Variants in DMD observed in about 807,000 individuals in gnomAD.
DMD encodes dystrophin, also known as mutant dystrophin.
DMD carries 63 observed loss-of-function variants against 330.1 expected under a neutral mutation model. The ratio of observed to expected loss-of-function variants is 0.19; its 90% confidence interval spans 0.16 to 0.24. DMD has a LOEUF of 0.24. Among genes scored for constraint, DMD ranks in the 10% least tolerant of loss-of-function variants. The pLI is 1.00. For missense variants in DMD, 3,344 were observed against 2,684.1 expected, an observed-to-expected ratio of 1.25 and a Z score of -5.43; for synonymous variants, 1,223 against 959.8, an observed-to-expected ratio of 1.27 and a Z score of -5.07.
rs1556678891 is a variant in DMD, at chrX:31,522,363, C to CTATATATATATA, written c.8218-14922_8218-14911dup. Among the ~76,000 whole-genome samples, 57 of 35,950 alleles carry CTATATATATATA rather than the reference C, an allele frequency of 1.6e-3. 1 individual carries two copies. Among genetic ancestry groups the CTATATATATATA allele is most frequent in the African/African-American group, 4.0e-3 (21 of 5,282 alleles). The allele number at this position is 35,950 out of a possible 115,157, so 31.2% of individuals were successfully genotyped here. On this transcript the variant is annotated intron_variant, in intron 55 of 78. Transcript: ENST00000357033. ...TCTCTCTCTCTCTCTCTCTCTCTCT[C>CTATATATATATA]TATATATATATATATATATATATAG...
chrX:31,503,162 C>T (rs1301974151), intron 56 of DMD, among the ~76,000 whole-genome samples: 1 of 112,193 alleles, frequency 8.9e-6, no homozygotes, highest in Non-Finnish European at 1.9e-5. Context: ...CTCTCAAAGA[C>T]ATCTTAATTA....
chrX:31,343,616 T>A (rs961005459), intron 61 of DMD, among the ~76,000 whole-genome samples: 12 of 92,104 alleles, frequency 1.3e-4, no homozygotes, highest in African/African-American at 4.4e-4. Context: ...TGTGTGTGTG[T>A]GTGAGAGAGA....
At chrX:31,346,383 A>C (rs144622934) in intron 61 of DMD, among the ~76,000 whole-genome samples, 368 of 111,630 alleles carry the variant, frequency 3.3e-3, no homozygotes, top group African/African-American at 0.011. Flanking sequence ...CGTTAAAATG[A>C]TGGATAAACC....
In DMD at chrX:32,949,338, GTAGGTAGATAGATAGATAGA is replaced by G. The variant is rs1267531340; in HGVS notation, c.93+70781_93+70800del. ...ATAGATAGATTAGATAGGTAGGTAG[GTAGGTAGATAGATAGATAGA>G]TAGATAGATAGATAGATAGATAGAT... On this transcript the variant is annotated intron_variant, in intron 2 of 78. Transcript: ENST00000357033. Among the ~76,000 whole-genome samples, 57 of 80,932 alleles carry G rather than the reference GTAGGTAGATAGATAGATAGA, an allele frequency of 7.0e-4. 1 individual carries two copies. Among genetic ancestry groups the G allele is most frequent in the Admixed American group, 1.1e-3 (7 of 6,460 alleles). 70.3% of individuals were successfully genotyped at this position (80,932 alleles called of 115,157 possible). A position where few individuals can be genotyped will look rare whatever the true frequency, so the allele number is the denominator to read the frequency against.
intron 4 of DMD, among the ~76,000 whole-genome samples, chrX:32,826,525 C>T (rs2078706293): frequency 9.0e-6 from 1 of 111,438 alleles, no homozygotes; most frequent in Non-Finnish European, 1.9e-5. Flanking sequence ...ACTTAAAAAG[C>T]AGAGAATCCT....
chrX:32,905,612 C>A (rs1487390963), intron 2 of DMD, among the ~76,000 whole-genome samples: 2 of 111,436 alleles, frequency 1.8e-5, no homozygotes, highest in Non-Finnish European at 3.8e-5. Flanking sequence ...TGTTTGTTAG[C>A]CAGCTTATTG....
At chrX:32,817,728 T>C (rs5972677) in intron 5 of DMD, among the ~76,000 whole-genome samples, 45,879 of 110,457 alleles carry the variant, frequency 0.42, 7,583 homozygotes, top group Admixed American at 0.51. Context: ...TATTTTTTCA[T>C]CCATATAGAA....
intron 1 of DMD, among the ~76,000 whole-genome samples, chrX:33,249,636 T>C (rs1431172915): frequency 9.0e-6 from 1 of 111,654 alleles, no homozygotes; most frequent in Non-Finnish European, 1.9e-5. Flanking sequence ...CTGCAAACAC[T>C]CCTTACTCCT....
intron 1 of DMD, among the ~76,000 whole-genome samples, chrX:33,234,186 T>A (rs184751268): frequency 8.9e-6 from 1 of 111,748 alleles, no homozygotes; most frequent in Admixed American, 9.5e-5. Context: ...TATCCTAAAT[T>A]ATTTTTTTAT....
Position 31,146,348 on chromosome X carries a change from C to G in DMD, c.10864G>C (p.Asp3622His), listed in dbSNP as rs1470608087. The G allele has an allele frequency of 3.3e-6, 4 of 1,210,033 alleles. 1 individual carries two copies. The highest frequency in any genetic ancestry group is 3.4e-6 in the Non-Finnish European group (3 of 894,011). Residue 3622 changes from aspartate (D) to histidine (H), a missense_variant, in exon 76 of 79, where the codon GAC (aspartate) becomes CAC (histidine). By Grantham distance (81) the Asp-to-His change is moderately conservative (BLOSUM62 -1). Transcript: ENST00000357033. ...CGGAGCAGCATAGGCTGACTGCTGT[C>G]GGACCTCTGTAGAGAGGTAGAAGGA... ...SSPSTSLQRS[D>H]SSQPMLLRVV...
At chrX:33,076,981 C>T (rs1182315811) in intron 1 of DMD, among the ~76,000 whole-genome samples, 1 of 111,084 alleles carries the variant, frequency 9.0e-6, no homozygotes, top group East Asian at 2.9e-4. Flanking sequence ...GAGATGAAAT[C>T]ACAGGGAGTC....
At chrX:32,897,636 G>C in intron 2 of DMD, among the ~76,000 whole-genome samples, 1 of 112,318 alleles carries the variant, frequency 8.9e-6, no homozygotes, top group Non-Finnish European at 1.9e-5. Context: ...AGTCGAAAAA[G>C]TTGGTATGCC....
chrX:33,149,420 T>A (rs918624497), intron 1 of DMD, among the ~76,000 whole-genome samples: 2 of 112,000 alleles, frequency 1.8e-5, no homozygotes, highest in African/African-American at 6.5e-5. Context: ...TAAATACAGA[T>A]GAAGCTTCAC....
chrX:32,847,249 CAT>C (rs2080767670), intron 3 of DMD, among the ~76,000 whole-genome samples: 1 of 111,717 alleles, frequency 9.0e-6, no homozygotes, highest in Non-Finnish European at 1.9e-5. Context: ...TAAATGTACA[CAT>C]GTGCATATGT....
At chrX:32,296,633 T>C (rs926077234) in intron 42 of DMD, among the ~76,000 whole-genome samples, 1 of 111,727 alleles carries the variant, frequency 9.0e-6, no homozygotes, top group Non-Finnish European at 1.9e-5. Context: ...CAAACATTAA[T>C]TGGCTAATTT....
chrX:33,021,436 T>A (rs754250043), intron 1 of DMD, among the ~76,000 whole-genome samples: 6 of 111,581 alleles, frequency 5.4e-5, no homozygotes, highest in Middle Eastern at 4.9e-3. Context: ...ATCTGAGAGA[T>A]ATTTAAAATT....
At position 32,677,007 on chromosome X, in the gene DMD, TAA is replaced by T. The variant is rs747646854; in HGVS notation, c.960+20861_960+20862del. On this transcript the variant is annotated intron_variant, in intron 9 of 78. Coordinates refer to ENST00000357033, the MANE Select transcript of DMD (RefSeq NM_004006.3). ...ATTTATTGACATTTAAAAATATATG[TAA>T]AAGAGTTTTACATTTTTAAATTACA... Among the ~76,000 whole-genome samples the T allele has an allele frequency of 2.3e-3, 261 of 111,896 alleles. 2 individuals are homozygous for T. Among genetic ancestry groups the T allele is most frequent in the African/African-American group, 8.2e-3 (253 of 31,026 alleles).
chrX:32,521,557 T>A (rs1406205317), intron 17 of DMD, among the ~76,000 whole-genome samples: 2 of 112,396 alleles, frequency 1.8e-5, no homozygotes, highest in African/African-American at 6.5e-5. Context: ...AATCTATTTA[T>A]CAATGATTCT....
intron 9 of DMD, among the ~76,000 whole-genome samples, chrX:32,659,544 A>G (rs766349854): frequency 2.3e-4 from 26 of 110,890 alleles, no homozygotes; most frequent in Non-Finnish European, 4.2e-4. Context: ...CTTTTATGAG[A>G]GGTGATGTAG....
Sources: gnomAD v4.1 joint callset for allele counts (sites outside exome capture counted in the v4.1 genomes callset) on GRCh38, gnomAD v4.1.1 for gene constraint, MANE v1.5 for transcripts, NCBI Gene and HGNC (gene_info 2026-07-23, HGNC 2026-07-21) for gene names.